The following LIN52 variants were observed in gnomAD, a reference collection of about 807,000 sequenced individuals.
LIN52 encodes the protein protein lin-52 homolog.
LIN52 carries 4 observed loss-of-function variants against 18.5 expected under a neutral mutation model. The observed-to-expected ratio is 0.22, with a 90% CI of 0.11 to 0.49. The LOEUF (loss-of-function observed/expected upper bound fraction) is 0.49, where lower values mean the gene tolerates loss of function less well. Ranked by LOEUF, LIN52 falls within the 20% of genes least tolerant of loss-of-function variation. The pLI is 0.97. For missense variants in LIN52, 102 were observed against 139.5 expected (o/e 0.73, Z 1.35); for synonymous variants, 34 against 45.5 (o/e 0.75, Z 1.02).
In LIN52 at chr14:74,198,953, T is replaced by C. The variant is rs753272558; in HGVS notation, c.315T>C (p.Asn105=). 3 of 1,613,218 alleles carry C rather than the reference T, an allele frequency of 1.9e-6. No individual in the cohort carries two copies. The highest frequency in any genetic ancestry group is 2.5e-6 in the Non-Finnish European group (3 of 1,179,424). Reference sequence around the variant, plus strand: ...AGATGACACGGGGGAAATTCCTCAATATTCTAGAGAAGCCCAAGAAGTAGC... The same window carrying C: ...AGATGACACGGGGGAAATTCCTCAACATTCTAGAGAAGCCCAAGAAGTAGC... ...SREMTRGKFL[N]ILEKPKK Residue 105 remains asparagine (N), a synonymous_variant, in exon 6 of 6, where the codon AAT becomes AAC. Coordinates refer to ENST00000555028, the MANE Select transcript of LIN52 (RefSeq NM_001024674.3).
At chr14:74,134,732 T>G (rs544719081) in intron 5 of LIN52, among the ~76,000 whole-genome samples, 1 of 152,304 alleles carries the variant, frequency 6.6e-6, no homozygotes, top group East Asian at 1.9e-4. Context: ...AGGTGAAGAC[T>G]ACATCTGCCT....
intron 5 of LIN52, among the ~76,000 whole-genome samples, chr14:74,172,693 A>C (rs572985217): frequency 3.9e-5 from 6 of 152,214 alleles, no homozygotes; most frequent in Non-Finnish European, 8.8e-5. Context: ...GCACCAAAGA[A>C]AGATGGCCTT....
At chr14:74,172,769 C>T (rs116017594) in intron 5 of LIN52, among the ~76,000 whole-genome samples, 7 of 152,208 alleles carry the variant, frequency 4.6e-5, no homozygotes, top group African/African-American at 7.2e-5. Context: ...AGAAAATGTT[C>T]TGCTCAAATA....
At chr14:74,167,306 G>A (rs371417928) in intron 5 of LIN52, among the ~76,000 whole-genome samples, 3 of 152,020 alleles carry the variant, frequency 2.0e-5, no homozygotes, top group Non-Finnish European at 4.4e-5. Context: ...ATCTAATGGT[G>A]TATTTCATCT....
intron 5 of LIN52, among the ~76,000 whole-genome samples, chr14:74,192,344 C>G (rs777805453): frequency 2.6e-5 from 4 of 152,106 alleles, no homozygotes; most frequent in Non-Finnish European, 5.9e-5. Context: ...GGATTACAGT[C>G]GCATGATCTC....
intron 5 of LIN52, among the ~76,000 whole-genome samples, chr14:74,105,333 AT>A (rs1179464179): frequency 2.0e-5 from 3 of 152,178 alleles, no homozygotes; most frequent in Non-Finnish European, 4.4e-5. Flanking sequence ...TTTCTGCCAA[AT>A]GAGTCCCATG....
At chr14:74,097,731 T>C in intron 3 of LIN52, 63 bp from the exon 4 acceptor site, 1 of 1,237,344 alleles carries the variant, frequency 8.1e-7, no homozygotes, top group East Asian at 2.4e-5. Context: ...ACACTTCTTA[T>C]AAGAATAATA....
At chr14:74,126,036 T>TAAA (rs35775748) in intron 5 of LIN52, among the ~76,000 whole-genome samples, 91 of 140,448 alleles carry the variant, frequency 6.5e-4, no homozygotes, top group Non-Finnish European at 1.2e-3. Context: ...CTTAAAGTAT[T>TAAA]AAAAAAAAAA....
At chr14:74,130,068 T>C (rs1340626567) in intron 5 of LIN52, among the ~76,000 whole-genome samples, 1 of 151,934 alleles carries the variant, frequency 6.6e-6, no homozygotes, top group Non-Finnish European at 1.5e-5. Context: ...ACCCACTTGC[T>C]ATCAGGAGAA....
At chr14:74,126,300 G>T (rs2061029652) in intron 5 of LIN52, among the ~76,000 whole-genome samples, 1 of 152,132 alleles carries the variant, frequency 6.6e-6, no homozygotes, top group Non-Finnish European at 1.5e-5. Context: ...TATGTAAAAT[G>T]GTATACTCCC....
At chr14:74,144,727 G>A (rs929758786) in intron 5 of LIN52, among the ~76,000 whole-genome samples, 8 of 152,138 alleles carry the variant, frequency 5.3e-5, no homozygotes, top group African/African-American at 1.4e-4. Context: ...ATGTGGTAAA[G>A]TACAGTTAAA....
chr14:74,109,093 AAATT>A (rs1160113025), intron 5 of LIN52, among the ~76,000 whole-genome samples: 3 of 152,196 alleles, frequency 2.0e-5, no homozygotes, highest in Non-Finnish European at 4.4e-5. Context: ...ATAGGGATCT[AAATT>A]AATTCTTTCG....
intron 5 of LIN52, among the ~76,000 whole-genome samples, chr14:74,167,112 C>CTTTT (rs9323596): frequency 0.12 from 13,838 of 118,774 alleles, 1,333 homozygotes; most frequent in East Asian, 0.55. Context: ...GCCTCTGCTG[C>CTTTT]TTTTTTTTTT....
intron 5 of LIN52, among the ~76,000 whole-genome samples, chr14:74,153,006 T>G (rs1397927602): frequency 6.6e-6 from 1 of 151,388 alleles, no homozygotes; most frequent in Non-Finnish European, 1.5e-5. Context: ...ATAGTATTTT[T>G]ATGTATCAGA....
At chr14:74,198,395 A>G (rs2078927773) in intron 5 of LIN52, among the ~76,000 whole-genome samples, 1 of 152,220 alleles carries the variant, frequency 6.6e-6, no homozygotes, top group Non-Finnish European at 1.5e-5. Context: ...ACCCTACTTT[A>G]TGACACCATC....
chr14:74,100,664 C>T (rs2300195), intron 4 of LIN52, among the ~76,000 whole-genome samples: 26,243 of 152,090 alleles, frequency 0.17, 2,764 homozygotes, highest in East Asian at 0.58. Flanking sequence ...TTAGTAGAGA[C>T]AGGGTTTCGC....
chr14:74,129,432 G>A (rs972992681), intron 5 of LIN52, among the ~76,000 whole-genome samples: 1 of 152,188 alleles, frequency 6.6e-6, no homozygotes, highest in African/African-American at 2.4e-5. Context: ...GATTGGAAGA[G>A]AGCTACTTTG....
chr14:74,164,520 A>G (rs749186848), intron 5 of LIN52, among the ~76,000 whole-genome samples: 5 of 149,032 alleles, frequency 3.4e-5, no homozygotes, highest in Non-Finnish European at 1.5e-5. Context: ...TCCTGACTTC[A>G]AGTGATCCGC....
intron 5 of LIN52, among the ~76,000 whole-genome samples, chr14:74,136,807 C>T (rs1163509896): frequency 3.3e-5 from 5 of 152,016 alleles, no homozygotes; most frequent in Non-Finnish European, 5.9e-5. Flanking sequence ...AGCAGCTGCC[C>T]CCCTTAATCA....
Sources: allele counts gnomAD v4.1 joint callset (sites outside exome capture counted in the v4.1 genomes callset), GRCh38; gene constraint gnomAD v4.1.1; transcripts MANE v1.5; gene names NCBI Gene and HGNC (gene_info 2026-07-23, HGNC 2026-07-21).